ZNF831: variants seen among roughly 807,000 people sequenced by gnomAD.
The protein encoded by ZNF831 is zinc finger protein 831, also known as chromosome 20 open reading frame 174.
Under a neutral mutation model 95.8 loss-of-function variants are expected in ZNF831, and 59 were observed. That is an observed-to-expected ratio of 0.62 (90% CI 0.50 to 0.77). ZNF831 has a LOEUF of 0.77. Among genes scored for constraint, ZNF831 ranks in the 30% least tolerant of loss-of-function variants. The pLI, the probability that ZNF831 is intolerant of heterozygous loss-of-function variation, is 0.00. For missense variants in ZNF831, 2,205 were observed against 2,164.0 expected (o/e 1.02, Z -0.38); for synonymous variants, 961 against 925.5 (o/e 1.04, Z -0.70).
chr20:59,205,078 C>A (rs1984794908), intron 3 of ZNF831, among the ~76,000 whole-genome samples: 3 of 152,068 alleles, frequency 2.0e-5, no homozygotes, highest in South Asian at 4.1e-4. Context: ...GGAGAAAGAC[C>A]CCCGCTTGCT....
intron 1 of ZNF831, among the ~76,000 whole-genome samples, chr20:59,173,891 C>T (rs1981940197): frequency 6.6e-6 from 1 of 151,936 alleles, no homozygotes; most frequent in Non-Finnish European, 1.5e-5. Flanking sequence ...TATAGGGTAC[C>T]CTAAGATTGA....
intron 1 of ZNF831, among the ~76,000 whole-genome samples, chr20:59,168,647 G>A (rs913114933): frequency 4.6e-5 from 7 of 151,982 alleles, no homozygotes; most frequent in Non-Finnish European, 1.0e-4. Flanking sequence ...AGTGATGAGA[G>A]TGGACATCTT....
chr20:59,178,397 G>A (rs1982338054), intron 1 of ZNF831, among the ~76,000 whole-genome samples: 1 of 152,210 alleles, frequency 6.6e-6, no homozygotes, highest in South Asian at 2.1e-4. Flanking sequence ...ACATAAAAAT[G>A]CCTTCCCTTT....
intron 1 of ZNF831, among the ~76,000 whole-genome samples, chr20:59,180,915 G>A (rs1982569416): frequency 6.6e-6 from 1 of 152,170 alleles, no homozygotes; most frequent in Admixed American, 6.5e-5. Context: ...GGGTCAAATG[G>A]TATTTCTGGT....
chr20:59,128,061 G>A (rs750658026), intron 1 of ZNF831, among the ~76,000 whole-genome samples: 15 of 152,226 alleles, frequency 9.9e-5, no homozygotes, highest in Non-Finnish European at 2.1e-4. Flanking sequence ...GCACATGTGC[G>A]TGCCCACACA....
Position 59,207,011 on chromosome 20 carries a change from C to T in ZNF831, c.3982C>T (p.Leu1328=). ...CCGCCACCCTCCCGCACTTGAGGGA[C>T]TGAAGCCATGCAGGACCCCTGGGCA... is the stretch of plus-strand genomic sequence containing the variant. ...RSRHPPALEG[L]KPCRTPGQTS... The change falls in exon 4 of 6, where the codon CTG becomes TTG. Residue 1328 remains leucine (L), a synonymous_variant. Transcript: ENST00000371030. The T allele has an allele frequency of 1.9e-6, 3 of 1,614,250 alleles. No homozygotes were observed. Among genetic ancestry groups the T allele is most frequent in the Non-Finnish European group, 2.5e-6 (3 of 1,180,052 alleles).
intron 4 of ZNF831, among the ~76,000 whole-genome samples, chr20:59,234,528 G>A (rs913577248): frequency 1.3e-5 from 2 of 152,204 alleles, no homozygotes; most frequent in Non-Finnish European, 2.9e-5. Context: ...CGGCCTATCA[G>A]GGAAGGAATG....
intron 4 of ZNF831, among the ~76,000 whole-genome samples, chr20:59,233,043 C>CACACACAGAG (rs1308472101): frequency 1.5e-5 from 2 of 134,446 alleles, no homozygotes; most frequent in African/African-American, 5.9e-5. Flanking sequence ...CACACACACA[C>CACACACAGAG]ATAGAGAGAG....
intron 1 of ZNF831, among the ~76,000 whole-genome samples, chr20:59,173,993 C>G (rs1403828272): frequency 6.6e-6 from 1 of 152,186 alleles, no homozygotes; most frequent in African/African-American, 2.4e-5. Context: ...GAGAAGTTGG[C>G]TGATTCAGCT....
At chr20:59,140,640 C>G (rs767381076) in intron 1 of ZNF831, among the ~76,000 whole-genome samples, 10 of 152,192 alleles carry the variant, frequency 6.6e-5, no homozygotes, top group Non-Finnish European at 1.2e-4. Flanking sequence ...AATTGCCAAA[C>G]TTTTCAGAGT....
chr20:59,182,200 C>T (rs139556904), intron 1 of ZNF831, among the ~76,000 whole-genome samples: 199 of 152,264 alleles, frequency 1.3e-3, no homozygotes, highest in African/African-American at 4.6e-3. Flanking sequence ...CATGGTGTCA[C>T]ATAAAGGTCA....
At chr20:59,178,569 A>G (rs1284884874) in intron 1 of ZNF831, among the ~76,000 whole-genome samples, 1 of 152,232 alleles carries the variant, frequency 6.6e-6, no homozygotes, top group South Asian at 2.1e-4. Context: ...GCAGTCATTC[A>G]GTATAATGGT....
At position 59,194,745 on chromosome 20, in the gene ZNF831, G is replaced by A. The variant is rs760495175; in HGVS notation, c.3726G>A (p.Ala1242=). Residue 1242 remains alanine (A), a synonymous_variant, in exon 2 of 6, where the codon GCG becomes GCA. Coordinates refer to ENST00000371030, the MANE Select transcript of ZNF831 (RefSeq NM_178457.3). Reference sequence around the variant, plus strand: ...CAAGCCCTGGAGAAGGAGGGCCGGCGCAGATGTCCAAGGTAAAGCTGGGCT... The same window carrying A: ...CAAGCCCTGGAGAAGGAGGGCCGGCACAGATGTCCAAGGTAAAGCTGGGCT... ...TWTSPGEGGP[A]QMSKFSYPTV... The A allele has an allele frequency of 2.5e-5, 39 of 1,564,050 alleles. No individual in the cohort carries two copies. Among genetic ancestry groups the A allele is most frequent in the Middle Eastern group, 1.7e-4 (1 of 5,810 alleles).
At chr20:59,243,236 C>G (rs908373076) in intron 4 of ZNF831, among the ~76,000 whole-genome samples, 3 of 152,130 alleles carry the variant, frequency 2.0e-5, no homozygotes, top group African/African-American at 4.8e-5. Flanking sequence ...CCCCCACTAA[C>G]ATAGTTTAGG....
Position 59,206,905 on chromosome 20 carries a change from G to T in ZNF831, c.3876G>T (p.Arg1292Ser), listed in dbSNP as rs1568768884. 3 of 1,613,756 alleles carry T rather than the reference G, an allele frequency of 1.9e-6. No individual in the cohort carries two copies. Among genetic ancestry groups the T allele is most frequent in the Non-Finnish European group, 2.5e-6 (3 of 1,179,856 alleles). Residue 1292 changes from arginine (R) to serine (S), a missense_variant and splice_region_variant, in exon 4 of 6, where the codon AGG becomes AGT. Physicochemically the swap from Arg to Ser is moderately radical, Grantham distance 110 (BLOSUM62 -1). Transcript: ENST00000371030. ...GCAAGCATGCTTCTCTCTTCTACAG[G>T]TACAAAGGGAATTTCTTGCAGAGCT... is the stretch of plus-strand genomic sequence containing the variant. Reference protein sequence around the residue: ...KQRKLKINPKRYKGNFLQSCV... With the variant: ...KQRKLKINPKSYKGNFLQSCV...
At chr20:59,231,910 A>G (rs1986745591) in intron 4 of ZNF831, among the ~76,000 whole-genome samples, 1 of 152,236 alleles carries the variant, frequency 6.6e-6, no homozygotes, top group African/African-American at 2.4e-5. Flanking sequence ...TAATAACAGA[A>G]GTAAAAACAC....
At chr20:59,155,845 A>G (rs1162306176) in intron 2 of ZNF831, among the ~76,000 whole-genome samples, 3 of 152,222 alleles carry the variant, frequency 2.0e-5, no homozygotes, top group African/African-American at 7.2e-5. Flanking sequence ...CTTCATCTTC[A>G]GAGTCTGGCC....
chr20:59,142,556 TAAC>T (rs1275120497), intron 1 of ZNF831, among the ~76,000 whole-genome samples: 1 of 152,210 alleles, frequency 6.6e-6, no homozygotes, highest in Non-Finnish European at 1.5e-5. Flanking sequence ...TGGGATTAAA[TAAC>T]AACACATCAC....
At chr20:59,183,725 C>T (rs149037953) in intron 1 of ZNF831, among the ~76,000 whole-genome samples, 260 of 152,214 alleles carry the variant, frequency 1.7e-3, no homozygotes, top group African/African-American at 4.6e-3. Flanking sequence ...AAACAATTTT[C>T]GAAGTTAATA....
Sources: allele counts gnomAD v4.1 joint callset (sites outside exome capture counted in the v4.1 genomes callset), GRCh38; gene constraint gnomAD v4.1.1; transcripts MANE v1.5; gene names NCBI Gene and HGNC (gene_info 2026-07-23, HGNC 2026-07-21).